The following ALMS1 variants were observed in gnomAD, a reference collection of about 807,000 sequenced individuals.
ALMS1 encodes ALMS1 centrosome and basal body associated protein, also known as centrosome-associated protein ALMS1.
Under a neutral mutation model 352.2 loss-of-function variants are expected in ALMS1, and 271 were observed. That is an observed-to-expected ratio of 0.77 (90% CI 0.70 to 0.85). ALMS1 has a LOEUF of 0.85. Among genes scored for constraint, ALMS1 ranks in the 40% least tolerant of loss-of-function variants. ALMS1 has a pLI of 0.00. For synonymous variants in ALMS1, 1,865 were observed against 1,761.2 expected (o/e 1.06, Z -1.48); for missense variants, 5,445 against 4,870.7 (o/e 1.12, Z -3.51).
chr2:73,524,799 C>T (rs541916691), intron 11 of ALMS1, among the ~76,000 whole-genome samples: 4 of 152,294 alleles, frequency 2.6e-5, no homozygotes, highest in Non-Finnish European at 4.4e-5. Flanking sequence ...ACTGTAGACC[C>T]TGTTGTGCTA....
intron 15 of ALMS1, among the ~76,000 whole-genome samples, chr2:73,566,072 TA>T (rs1200494223): frequency 6.6e-6 from 1 of 152,204 alleles, no homozygotes. Context: ...AAGGTGTTAA[TA>T]GGGGAAACTG....
intron 10 of ALMS1, among the ~76,000 whole-genome samples, chr2:73,512,802 A>G (rs1195448227): frequency 1.3e-5 from 2 of 152,144 alleles, no homozygotes; most frequent in African/African-American, 4.8e-5. Context: ...TTCTGGCACA[A>G]GATATTTCAG....
Position 73,452,896 on chromosome 2 carries a change from A to G in ALMS1, c.6369A>G (p.Thr2123=), listed in dbSNP as rs1351867851. The G allele has an allele frequency of 6.2e-7, 1 of 1,613,854 alleles. No individual in the cohort carries two copies. The highest frequency in any genetic ancestry group is 2.2e-5 in the East Asian group (1 of 44,850). Reference sequence around the variant, plus strand: ...CTGAAGATGTGCTGAAGGTTTCAACAATTCCTGGACCAGCTGGCCAGAAAA... The same window carrying G: ...CTGAAGATGTGCTGAAGGTTTCAACGATTCCTGGACCAGCTGGCCAGAAAA... ...HVTEDVLKVS[T]IPGPAGQKTV... Residue 2123 remains threonine (T), a synonymous_variant, in exon 8 of 23, where the codon ACA becomes ACG. Coordinates refer to ENST00000613296, the MANE Select transcript of ALMS1 (RefSeq NM_001378454.1).
At chr2:73,536,321 T>C (rs903537065) in intron 12 of ALMS1, among the ~76,000 whole-genome samples, 10 of 152,272 alleles carry the variant, frequency 6.6e-5, no homozygotes, top group African/African-American at 2.4e-4. Context: ...TTCCATCTGG[T>C]TGGAGAGATT....
intron 10 of ALMS1, among the ~76,000 whole-genome samples, chr2:73,510,213 C>T (rs565912074): frequency 7.7e-4 from 117 of 152,264 alleles, no homozygotes; most frequent in Admixed American, 2.6e-3. Context: ...CTGAAGCCTA[C>T]TTCTGTCAAT....
chr2:73,510,725 A>G (rs1673432300), intron 10 of ALMS1, among the ~76,000 whole-genome samples: 1 of 152,122 alleles, frequency 6.6e-6, no homozygotes. Flanking sequence ...TCTGTCCCTT[A>G]GCAGGGCTCG....
At chr2:73,479,908 C>T (rs948954149) in intron 9 of ALMS1, among the ~76,000 whole-genome samples, 2 of 152,046 alleles carry the variant, frequency 1.3e-5, no homozygotes, top group African/African-American at 4.8e-5. Flanking sequence ...TTATTCTAGT[C>T]ATTCTAATAG....
intron 15 of ALMS1, among the ~76,000 whole-genome samples, chr2:73,570,536 A>G (rs1385458287): frequency 1.3e-5 from 2 of 152,184 alleles, no homozygotes; most frequent in East Asian, 3.9e-4. Flanking sequence ...GTTCCTCTTT[A>G]GAAGCTTGGC....
chr2:73,532,742 T>C (rs1023879002), intron 11 of ALMS1, among the ~76,000 whole-genome samples: 10 of 152,008 alleles, frequency 6.6e-5, no homozygotes, highest in African/African-American at 2.4e-4. Context: ...GAGCTGGCAC[T>C]TAAGCTGCAA....
In ALMS1 at chr2:73,453,655, A is replaced by G. The variant is rs1671997943; in HGVS notation, c.7128A>G (p.Glu2376=). The G allele has an allele frequency of 1.2e-6, 2 of 1,613,996 alleles. No individual in the cohort carries two copies. The highest frequency in any genetic ancestry group is 2.7e-5 in the African/African-American group (2 of 74,930). The change falls in exon 8 of 23, where the codon GAA becomes GAG. Residue 2376 remains glutamate, a synonymous_variant. Transcript: ENST00000613296. ...AESKVSMALE[E]TLRQYQAAKS... is the part of the protein sequence containing the mutation. ...GCAAAGTCAGTATGGCATTAGAAGA[A>G]ACTCTTAGGCAATATCAAGCAGCCA... is the stretch of plus-strand genomic sequence containing the variant.
intron 11 of ALMS1, among the ~76,000 whole-genome samples, chr2:73,533,113 CTG>C (rs1673956247): frequency 6.6e-6 from 1 of 152,210 alleles, no homozygotes; most frequent in African/African-American, 2.4e-5. Flanking sequence ...AGAGAAAGGT[CTG>C]TTTAATCTTC....
In ALMS1 at chr2:73,491,969, TG is replaced by T. The variant is rs1672999659; in HGVS notation, c.9539+473del. Among the ~76,000 whole-genome samples the T allele has an allele frequency of 2.0e-5, 3 of 152,148 alleles. 1 individual carries two copies. In the East Asian group the frequency reaches 5.8e-4, roughly 29 times the overall value. ...ATTTACAAAGAAAGTGGCTTTACAG[TG>T]GAAAATCCTGGCAGATACCAGTTTA... is the stretch of plus-strand genomic sequence containing the variant. On this transcript the variant is annotated intron_variant, in intron 10 of 22. Coordinates refer to ENST00000613296, the MANE Select transcript of ALMS1 (RefSeq NM_001378454.1).
chr2:73,510,119 A>G lies in ALMS1; in HGVS notation c.9540-9656A>G, dbSNP rs1017430465. Among the ~76,000 whole-genome samples, 7 of 152,162 alleles carry G rather than the reference A, an allele frequency of 4.6e-5. No homozygotes were observed. The East Asian group carries it at 1.3e-3, about 29-fold the overall frequency. On this transcript the variant is annotated intron_variant, in intron 10 of 22. Transcript: ENST00000613296. ...GGTTATTCTAGTTAGCAATTCCTCT[A>G]ACCTTTTATCAATGTTCTTAGCTTC... is the stretch of plus-strand genomic sequence containing the variant.
intron 9 of ALMS1, among the ~76,000 whole-genome samples, chr2:73,478,901 C>CA (rs1672638206): frequency 6.6e-6 from 1 of 152,006 alleles, no homozygotes; most frequent in African/African-American, 2.4e-5. Context: ...CATGTGTTCT[C>CA]ATTGTTCAAC....
chr2:73,557,958 T>C (rs899983783), intron 14 of ALMS1, among the ~76,000 whole-genome samples: 2 of 152,238 alleles, frequency 1.3e-5, no homozygotes, highest in Admixed American at 6.5e-5. Flanking sequence ...GCTGTTGCTC[T>C]CTTGTTACTC....
chr2:73,412,926 T>C (rs571871096), intron 2 of ALMS1, among the ~76,000 whole-genome samples: 4 of 152,200 alleles, frequency 2.6e-5, no homozygotes, highest in South Asian at 2.1e-4. Context: ...ATCCCAGTAG[T>C]ATATGAGAGT....
rs912742216 is a variant in ALMS1, at chr2:73,445,399, C to T, written c.1433-2561C>T. Among the ~76,000 whole-genome samples, 6 of 152,072 alleles carry T rather than the reference C, an allele frequency of 3.9e-5. No homozygotes were observed. The South Asian group carries it at 6.2e-4, about 16-fold the overall frequency. ...ATCCTCCTCACTACCTTCCCAGCCCCGTTACAGACTTATTAGTGACTGAAT... is the reference window on the plus strand; with the variant it reads ...ATCCTCCTCACTACCTTCCCAGCCCTGTTACAGACTTATTAGTGACTGAAT... On this transcript the variant is annotated intron_variant, in intron 7 of 22. Transcript: ENST00000613296.
chr2:73,385,994 C>A lies in ALMS1; in HGVS notation c.126C>A (p.Val42=), dbSNP rs766762252. Residue 42 remains valine, a synonymous_variant, in exon 1 of 23, where the codon GTC becomes GTA. Transcript: ENST00000613296. ...CGGCGAACGTGGACGACGTAGTGGT[C>A]GTGGAGGAGGTGGAGGAAGAGGCGG... ...AAAANVDDVV[V]VEEVEEEAGR... 1.3e-6 allele frequency: 2 copies of A among 1,550,344 alleles called. No homozygotes were observed. The highest frequency in any genetic ancestry group is 2.4e-5 in the South Asian group (2 of 83,476).
intron 13 of ALMS1, among the ~76,000 whole-genome samples, chr2:73,552,306 A>G (rs1189638154): frequency 6.6e-6 from 1 of 152,252 alleles, no homozygotes; most frequent in Non-Finnish European, 1.5e-5. Context: ...GAGACTGCCA[A>G]GTAAATAAAA....
Sources: gnomAD v4.1 joint callset for allele counts (sites outside exome capture counted in the v4.1 genomes callset) on GRCh38, gnomAD v4.1.1 for gene constraint, MANE v1.5 for transcripts, NCBI Gene and HGNC (gene_info 2026-07-23, HGNC 2026-07-21) for gene names.